DCAF8L2: variants seen among roughly 807,000 people sequenced by gnomAD.
DCAF8L2 encodes DDB1- and CUL4-associated factor 8-like protein 2.
For synonymous variants in DCAF8L2, 200 were observed against 190.9 expected, an observed-to-expected ratio of 1.05 and a Z score of -0.39; for missense variants, 430 against 490.7, an observed-to-expected ratio of 0.88 and a Z score of 1.17.
At chrX:27,673,775 A>T (rs992620807) in intron 2 of DCAF8L2, among the ~76,000 whole-genome samples, 1 of 108,669 alleles carries the variant, frequency 9.2e-6, no homozygotes, top group African/African-American at 3.4e-5. Flanking sequence ...CACATGTATT[A>T]ATTCATTTAT....
the DCAF8L2 span, among the ~76,000 whole-genome samples, chrX:27,545,967 T>G: frequency 1.8e-5 from 2 of 111,946 alleles, no homozygotes; most frequent in Non-Finnish European, 3.8e-5. Flanking sequence ...TCATGCCTTC[T>G]CAACAGTCCC....
At chrX:27,478,278 C>A in the DCAF8L2 span, among the ~76,000 whole-genome samples, 1 of 111,861 alleles carries the variant, frequency 8.9e-6, no homozygotes, top group South Asian at 3.7e-4. Context: ...GTAAATGTAA[C>A]CCTCTTGTTT....
rs1284865614 is a variant in DCAF8L2, at chrX:27,716,126, G to A, written c.-104G>A. On this transcript the variant is annotated 5_prime_UTR_variant, in exon 4 of 5. Coordinates refer to ENST00000451261, the MANE Select transcript of DCAF8L2 (RefSeq NM_001353450.2). ...TGCAGAGGTCCATTAACTCTTTCAG[G>A]ACGGTGTGGAATCAGTGGGGAAATC... 1 of 111,854 alleles carries A rather than the reference G, an allele frequency of 8.9e-6. No homozygotes were observed. The highest frequency in any genetic ancestry group is 1.9e-5 in the Non-Finnish European group (1 of 53,248). 9.2% of individuals were successfully genotyped at this position (111,854 alleles called of 1,213,427 possible).
chrX:27,583,189 C>G, the DCAF8L2 span, among the ~76,000 whole-genome samples: 1 of 111,618 alleles, frequency 9.0e-6, no homozygotes, highest in Admixed American at 9.6e-5. Context: ...AAATCCAGTG[C>G]TATCATTTTT....
chrX:27,629,583 A>G (rs914230242), intron 1 of DCAF8L2, among the ~76,000 whole-genome samples: 1 of 108,095 alleles, frequency 9.3e-6, no homozygotes, highest in Non-Finnish European at 1.9e-5. Context: ...TCCTTTCCCC[A>G]TTGTGCATTA....
intron 1 of DCAF8L2, among the ~76,000 whole-genome samples, chrX:27,604,647 T>C (rs1260218385): frequency 8.9e-6 from 1 of 112,174 alleles, no homozygotes; most frequent in Non-Finnish European, 1.9e-5. Flanking sequence ...CAAAAATCTT[T>C]GTCTCTAACT....
intron 4 of DCAF8L2, among the ~76,000 whole-genome samples, chrX:27,718,583 C>G (rs1396990289): frequency 9.9e-5 from 11 of 111,093 alleles, no homozygotes. Context: ...CTGAGTAAAG[C>G]AGACTGCCTT....
At chrX:27,642,428 G>A (rs1269988476) in intron 2 of DCAF8L2, among the ~76,000 whole-genome samples, 2 of 110,495 alleles carry the variant, frequency 1.8e-5, no homozygotes, top group African/African-American at 3.3e-5. Context: ...CTCCGATTGA[G>A]CCCTGGAGAT....
At chrX:27,584,119 T>A in the DCAF8L2 span, among the ~76,000 whole-genome samples, 1 of 111,791 alleles carries the variant, frequency 8.9e-6, no homozygotes, top group East Asian at 2.8e-4. Flanking sequence ...TTACTACATT[T>A]TTTCTGAGTA....
At chrX:27,702,281 G>T (rs1931154965) in intron 3 of DCAF8L2, among the ~76,000 whole-genome samples, 2 of 102,448 alleles carry the variant, frequency 2.0e-5, no homozygotes, top group African/African-American at 7.2e-5. Context: ...AACAATGAAA[G>T]AAGATTAATA....
At chrX:27,689,957 G>C (rs1334319852) in intron 3 of DCAF8L2, among the ~76,000 whole-genome samples, 1 of 111,184 alleles carries the variant, frequency 9.0e-6, no homozygotes, top group African/African-American at 3.3e-5. Flanking sequence ...ATAGAATTAG[G>C]CTATTATAGT....
chrX:27,480,497 C>T, the DCAF8L2 span, among the ~76,000 whole-genome samples: 2 of 111,925 alleles, frequency 1.8e-5, no homozygotes, highest in Middle Eastern at 4.3e-3. Flanking sequence ...GAGGCAGAGA[C>T]AGGCCAGGAT....
chrX:27,745,151 A>C (rs1315350900), intron 4 of DCAF8L2, among the ~76,000 whole-genome samples: 2 of 112,150 alleles, frequency 1.8e-5, no homozygotes, highest in African/African-American at 6.5e-5. Flanking sequence ...TACACATAAA[A>C]TGTATATGCC....
chrX:27,483,662 T>A, the DCAF8L2 span, among the ~76,000 whole-genome samples: 1 of 111,384 alleles, frequency 9.0e-6, no homozygotes, highest in Admixed American at 9.6e-5. Flanking sequence ...AAGGTGTGGC[T>A]AGCTACAAAC....
intron 2 of DCAF8L2, among the ~76,000 whole-genome samples, chrX:27,636,565 G>C (rs1928511137): frequency 9.0e-6 from 1 of 111,480 alleles, no homozygotes; most frequent in African/African-American, 3.3e-5. Flanking sequence ...CTAATATTGA[G>C]GAAAAGAGAC....
At chrX:27,654,770 T>C (rs911443808) in intron 2 of DCAF8L2, among the ~76,000 whole-genome samples, 3 of 112,096 alleles carry the variant, frequency 2.7e-5, no homozygotes, top group African/African-American at 9.7e-5. Flanking sequence ...GTTAACAAGA[T>C]TTATATTAAA....
the DCAF8L2 span, among the ~76,000 whole-genome samples, chrX:27,558,954 T>C: frequency 9.0e-6 from 1 of 110,626 alleles, no homozygotes; most frequent in South Asian, 3.9e-4. Flanking sequence ...TGGCTCTGTG[T>C]CCCCACCCAA....
chrX:27,556,542 G>C, the DCAF8L2 span, among the ~76,000 whole-genome samples: 11,008 of 111,497 alleles, frequency 0.099, 414 homozygotes, highest in Non-Finnish European at 0.12. Flanking sequence ...TCCAAATTAT[G>C]ATTCTCACTC....
chrX:27,486,093 C>T, the DCAF8L2 span, among the ~76,000 whole-genome samples: 19,741 of 106,244 alleles, frequency 0.19, 1,608 homozygotes, highest in East Asian at 0.36. Context: ...GCAACATCCA[C>T]CTCCCAGGTT....
Sources: allele counts gnomAD v4.1 joint callset (sites outside exome capture counted in the v4.1 genomes callset), GRCh38; gene constraint gnomAD v4.1.1; transcripts MANE v1.5; gene names NCBI Gene and HGNC (gene_info 2026-07-23, HGNC 2026-07-21).